The following NSMCE2 variants were observed in gnomAD, a reference collection of about 807,000 sequenced individuals.
The protein encoded by NSMCE2 is E3 SUMO-protein ligase NSE2.
In NSMCE2, 24 loss-of-function variants were observed where a neutral mutation model predicts 23.8. The observed-to-expected ratio is 1.01, with a 90% CI of 0.73 to 1.42. NSMCE2 has a LOEUF of 1.42. Among genes scored for constraint, NSMCE2 ranks in the 40% most tolerant of loss-of-function variants. NSMCE2 has a pLI of 0.00. For missense variants in NSMCE2, 284 were observed against 296.5 expected, an observed-to-expected ratio of 0.96 and a Z score of 0.31; for synonymous variants, 92 against 94.1, an observed-to-expected ratio of 0.98 and a Z score of 0.13.
At chr8:125,340,118 C>A (rs1215409708) in intron 5 of NSMCE2, among the ~76,000 whole-genome samples, 1 of 150,516 alleles carries the variant, frequency 6.6e-6, no homozygotes, top group Non-Finnish European at 1.5e-5. Flanking sequence ...GGGTTCACGC[C>A]ATTCTCCTGC....
chr8:125,098,032 G>A (rs915920756), intron 1 of NSMCE2, among the ~76,000 whole-genome samples: 39 of 152,124 alleles, frequency 2.6e-4, no homozygotes, highest in African/African-American at 7.7e-4. Context: ...TAAAGGACTA[G>A]CAATGGCCAG....
At chr8:125,177,540 C>G (rs1341776430) in intron 4 of NSMCE2, among the ~76,000 whole-genome samples, 1 of 152,214 alleles carries the variant, frequency 6.6e-6, no homozygotes, top group African/African-American at 2.4e-5. Flanking sequence ...TTTACTCGTT[C>G]ACCCACATCA....
At chr8:125,284,253 CCTGAAAGACAGAG>C (rs143881827) in intron 5 of NSMCE2, among the ~76,000 whole-genome samples, 4,731 of 151,708 alleles carry the variant, frequency 0.031, 214 homozygotes, top group African/African-American at 0.11. Context: ...AAAAAATACC[CCTGAAAGACAGAG>C]TATGTCTTCG....
chr8:125,143,241 T>C (rs987581284), intron 3 of NSMCE2, among the ~76,000 whole-genome samples: 2 of 152,190 alleles, frequency 1.3e-5, no homozygotes, highest in African/African-American at 4.8e-5. Context: ...GAGGTATGCT[T>C]GATACTGTGA....
chr8:125,114,852 G>A (rs1818922145), intron 3 of NSMCE2, among the ~76,000 whole-genome samples: 1 of 152,182 alleles, frequency 6.6e-6, no homozygotes, highest in Admixed American at 6.5e-5. Flanking sequence ...ATTTGAAGTG[G>A]AAAACATAGG....
At chr8:125,245,622 T>G (rs1317878577) in intron 5 of NSMCE2, among the ~76,000 whole-genome samples, 1 of 151,462 alleles carries the variant, frequency 6.6e-6, no homozygotes, top group African/African-American at 2.4e-5. Context: ...ATACTAAGGA[T>G]AGAAAAATGA....
chr8:125,155,725 C>G (rs372096378), intron 4 of NSMCE2, among the ~76,000 whole-genome samples: 2 of 152,312 alleles, frequency 1.3e-5, no homozygotes, highest in African/African-American at 4.8e-5. Context: ...ACCTATAGTT[C>G]CAAACTGTGG....
intron 5 of NSMCE2, among the ~76,000 whole-genome samples, chr8:125,317,369 G>A (rs1829250330): frequency 6.7e-6 from 1 of 149,566 alleles, no homozygotes; most frequent in Admixed American, 6.6e-5. Flanking sequence ...GCTAATGTTT[G>A]TATTTTTTGT....
chr8:125,229,228 AAG>A (rs763612905), intron 5 of NSMCE2, among the ~76,000 whole-genome samples: 47 of 152,178 alleles, frequency 3.1e-4, no homozygotes, highest in Non-Finnish European at 6.0e-4. Context: ...TGGGAAAGAA[AAG>A]AGAGATGCAA....
At chr8:125,123,132 AT>A (rs1441483151) in intron 3 of NSMCE2, among the ~76,000 whole-genome samples, 1 of 152,132 alleles carries the variant, frequency 6.6e-6, no homozygotes, top group Non-Finnish European at 1.5e-5. Context: ...ATATATATAT[AT>A]TTTTCTGGCC....
At chr8:125,220,897 C>A (rs987306046) in intron 5 of NSMCE2, among the ~76,000 whole-genome samples, 2 of 152,130 alleles carry the variant, frequency 1.3e-5, no homozygotes, top group Non-Finnish European at 2.9e-5. Context: ...ATATATAGTT[C>A]TTTATTCTGT....
intron 5 of NSMCE2, among the ~76,000 whole-genome samples, chr8:125,259,733 A>G (rs902184421): frequency 1.3e-5 from 2 of 152,236 alleles, no homozygotes; most frequent in Admixed American, 6.5e-5. Flanking sequence ...TTATATTTAT[A>G]TGGCTTTATG....
chr8:125,121,096 A>G (rs528431115), intron 3 of NSMCE2, among the ~76,000 whole-genome samples: 13 of 152,290 alleles, frequency 8.5e-5, no homozygotes, highest in African/African-American at 2.6e-4. Flanking sequence ...TATTACTACT[A>G]TTATAGTAGA....
intron 5 of NSMCE2, among the ~76,000 whole-genome samples, chr8:125,183,946 T>C (rs764513621): frequency 1.2e-4 from 18 of 152,152 alleles, no homozygotes; most frequent in Non-Finnish European, 1.5e-4. Context: ...TGAACTAATA[T>C]ATGTACCAGT....
intron 4 of NSMCE2, among the ~76,000 whole-genome samples, chr8:125,167,931 A>C (rs1012043642): frequency 6.6e-6 from 1 of 152,128 alleles, no homozygotes; most frequent in African/African-American, 2.4e-5. Context: ...GCCATCTGGG[A>C]AACTTCTCTC....
chr8:125,224,220 A>G (rs2130925593), intron 5 of NSMCE2, among the ~76,000 whole-genome samples: 1 of 152,320 alleles, frequency 6.6e-6, no homozygotes, highest in African/African-American at 2.4e-5. Context: ...TTAGCTCATT[A>G]TCACATGTAT....
At chr8:125,342,630 C>T (rs1467320565) in intron 5 of NSMCE2, among the ~76,000 whole-genome samples, 2 of 152,044 alleles carry the variant, frequency 1.3e-5, no homozygotes, top group Admixed American at 6.5e-5. Flanking sequence ...TCCTTCCCTC[C>T]TCCCTCCCTC....
At chr8:125,194,778 C>T (rs1032850193) in intron 5 of NSMCE2, among the ~76,000 whole-genome samples, 1 of 152,076 alleles carries the variant, frequency 6.6e-6, no homozygotes, top group East Asian at 1.9e-4. Context: ...GCACCCTCAC[C>T]AGCACTTGGA....
At chr8:125,291,060 G>A (rs1473417307) in intron 5 of NSMCE2, among the ~76,000 whole-genome samples, 2 of 152,136 alleles carry the variant, frequency 1.3e-5, no homozygotes, top group Non-Finnish European at 2.9e-5. Flanking sequence ...ATGAAAGCAG[G>A]CAGAAAACAA....
Sources: allele counts gnomAD v4.1 joint callset (sites outside exome capture counted in the v4.1 genomes callset), GRCh38; gene constraint gnomAD v4.1.1; transcripts MANE v1.5; gene names NCBI Gene and HGNC (gene_info 2026-07-23, HGNC 2026-07-21).